The following FERMT1 variants were observed in gnomAD, a reference collection of about 807,000 sequenced individuals.
FERMT1 encodes the protein FERM domain containing kindlin 1, also known as fermitin family homolog 1.
A neutral mutation model predicts 85.3 loss-of-function variants in FERMT1; 60 were observed. That is an observed-to-expected ratio of 0.70 (90% CI 0.57 to 0.87). The LOEUF (loss-of-function observed/expected upper bound fraction) is 0.87, where lower values mean the gene tolerates loss of function less well. Ranked by LOEUF, FERMT1 falls within the 40% of genes least tolerant of loss-of-function variation. The pLI, the probability that FERMT1 is intolerant of heterozygous loss-of-function variation, is 0.00. For missense variants in FERMT1, 701 were observed against 818.9 expected (o/e 0.86, Z 1.76); for synonymous variants, 275 against 301.1 (o/e 0.91, Z 0.90).
chr20:6,119,363 G>T, intron 2 of FERMT1, 41 bp downstream of exon 2: 2 of 1,603,244 alleles, frequency 1.2e-6, no homozygotes, highest in South Asian at 2.2e-5. Flanking sequence ...CACCAGACAG[G>T]GTTTCTAATA....
In FERMT1 at chr20:6,112,483, A is replaced by G; in HGVS notation, c.526T>C (p.Ser176Pro). Residue 176 changes from serine (S) to proline (P), a missense_variant, in exon 4 of 15, where the codon TCA (serine) becomes CCA (proline). Coordinates refer to ENST00000217289, the MANE Select transcript of FERMT1 (RefSeq NM_017671.5). ...NLESSPTASG[S>P]SVSPGLYSKT... ...CACCTGTAACAAGTCTTACCTGATG[A>G]ACCTGAAGCTGTTGGAGAACTCTCC... 6.2e-7 allele frequency: 1 copy of G among 1,613,808 alleles called. No homozygotes were observed. The highest frequency in any genetic ancestry group is 8.5e-7 in the Non-Finnish European group (1 of 1,179,774).
chr20:6,108,889 C>G (rs955581709), intron 5 of FERMT1, among the ~76,000 whole-genome samples: 1 of 151,792 alleles, frequency 6.6e-6, no homozygotes, highest in South Asian at 2.1e-4. Context: ...TGCACCACTT[C>G]TCCTTTTACC....
chr20:6,119,949 G>T lies in FERMT1; in HGVS notation c.-18-377C>A, dbSNP rs1983221984. Among the ~76,000 whole-genome samples the T allele has an allele frequency of 2.0e-5, 3 of 152,002 alleles. No homozygotes were observed. In the South Asian group the frequency reaches 6.2e-4, roughly 32 times the overall value. The stretch of plus-strand genomic sequence containing the variant: ...GCAATCTTCCATATTATCTTTTAAA[G>T]AAATCAATTTTATTAAGGTATAATT... On this transcript the variant is annotated intron_variant, in intron 1 of 14. Transcript: ENST00000217289.
intron 7 of FERMT1, 58 bp downstream of exon 7, chr20:6,097,466 C>A: frequency 8.2e-7 from 1 of 1,225,322 alleles, no homozygotes; most frequent in East Asian, 2.3e-5. Flanking sequence ...TATGAAACTT[C>A]AAGCAGAACA....
intron 1 of FERMT1, among the ~76,000 whole-genome samples, chr20:6,121,125 T>G (rs1052217661): frequency 5.9e-5 from 9 of 152,122 alleles, no homozygotes; most frequent in African/African-American, 2.2e-4. Flanking sequence ...GTTTTTGTTT[T>G]GTTTTTGTTT....
chr20:6,100,288 A>C (rs189573071), intron 6 of FERMT1, among the ~76,000 whole-genome samples: 1 of 152,370 alleles, frequency 6.6e-6, no homozygotes, highest in East Asian at 1.9e-4. Context: ...TACATGCTAC[A>C]ATAGGAATGA....
chr20:6,080,616 T>C (rs981408073), intron 13 of FERMT1, among the ~76,000 whole-genome samples: 10 of 151,984 alleles, frequency 6.6e-5, no homozygotes, highest in Non-Finnish European at 1.3e-4. Context: ...GCGGAAGAAG[T>C]GGTCGGATTC....
chr20:6,076,962 A>G lies in FERMT1; in HGVS notation c.*211T>C, dbSNP rs1178732616. ...CCTGCCTACCCATTTTATAGAAAAA[A>G]CAAGAGAGGCTCCTTCCGTGGCTGG... On this transcript the variant is annotated 3_prime_UTR_variant, in exon 15 of 15. Coordinates refer to ENST00000217289, the MANE Select transcript of FERMT1 (RefSeq NM_017671.5). 1.7e-6 allele frequency: 1 copy of G among 592,788 alleles called. No homozygotes were observed. The allele number at this position is 592,788 out of a possible 1,614,324, so 36.7% of individuals were successfully genotyped here.
intron 9 of FERMT1, among the ~76,000 whole-genome samples, chr20:6,093,807 G>A (rs1236828164): frequency 6.6e-6 from 1 of 152,124 alleles, no homozygotes; most frequent in African/African-American, 2.4e-5. Context: ...AATACAAAAT[G>A]TAGCCAGGCG....
chr20:6,096,144 A>G (rs1417484190), intron 8 of FERMT1, among the ~76,000 whole-genome samples: 1 of 152,240 alleles, frequency 6.6e-6, no homozygotes, highest in Non-Finnish European at 1.5e-5. Context: ...AACTTTTTGC[A>G]ATGTTCCAGA....
At chr20:6,101,253 A>G (rs1399316269) in intron 6 of FERMT1, among the ~76,000 whole-genome samples, 1 of 152,228 alleles carries the variant, frequency 6.6e-6, no homozygotes, top group Non-Finnish European at 1.5e-5. Flanking sequence ...AAGCACATCC[A>G]GTGTTACTGT....
In FERMT1 at chr20:6,087,893, A is replaced by G. The variant is rs1210125220; in HGVS notation, c.1265-10T>C. On this transcript the variant is annotated splice_polypyrimidine_tract_variant and intron_variant, in intron 10 of 14. Transcript: ENST00000217289. ...GGCACAACTTCGCAGCCTGAAGGAC[A>G]AAGATCAGAGACAAAACTGAGTTCT... The G allele has an allele frequency of 3.4e-5, 52 of 1,527,034 alleles. No homozygotes were observed. The highest frequency in any genetic ancestry group is 4.5e-5 in the Non-Finnish European group (50 of 1,101,564). 94.6% of individuals were successfully genotyped at this position (1,527,034 alleles called of 1,614,324 possible).
intron 11 of FERMT1, among the ~76,000 whole-genome samples, chr20:6,085,667 T>C (rs190844097): frequency 1.3e-5 from 2 of 152,188 alleles, no homozygotes; most frequent in East Asian, 3.9e-4. Context: ...CTGGCCAACA[T>C]GGTGAAACCC....
In FERMT1 at chr20:6,115,906, A is replaced by G; in HGVS notation, c.290T>C (p.Leu97Pro). Residue 97 changes from leucine (L) to proline (P), a missense_variant, in exon 3 of 15, where the codon CTG (leucine) becomes CCG (proline). Physicochemically the swap from Leu to Pro is moderately conservative, Grantham distance 98. Coordinates refer to ENST00000217289, the MANE Select transcript of FERMT1 (RefSeq NM_017671.5). ...KLLFTPQHKM[L>P]RLRLPNLKMV... The stretch of plus-strand genomic sequence containing the variant: ...CTTCAAATTCGGCAGACGAAGGCGC[A>G]GCATTTTATGCTGAGGGGTGAAGAG... The G allele has an allele frequency of 6.2e-7, 1 of 1,614,204 alleles. No homozygotes were observed. Among genetic ancestry groups the G allele is most frequent in the East Asian group, 2.2e-5 (1 of 44,886 alleles).
intron 3 of FERMT1, among the ~76,000 whole-genome samples, chr20:6,114,054 T>G (rs1297093803): frequency 6.6e-6 from 1 of 152,234 alleles, no homozygotes; most frequent in Non-Finnish European, 1.5e-5. Context: ...TGAAGGTAAG[T>G]GCACTGATTC....
At chr20:6,119,091 G>A (rs1038222666) in intron 2 of FERMT1, among the ~76,000 whole-genome samples, 1 of 152,088 alleles carries the variant, frequency 6.6e-6, no homozygotes, top group Non-Finnish European at 1.5e-5. Context: ...GGGATTACAT[G>A]CACCCACCGC....
intron 5 of FERMT1, 143 bp from the exon 6 acceptor site, chr20:6,107,777 T>G (rs1982839725): frequency 3.6e-6 from 2 of 562,102 alleles, no homozygotes; most frequent in Non-Finnish European, 6.6e-6. Context: ...ATCACTAATT[T>G]GAAAATCTGA....
chr20:6,105,748 A>C (rs1982778966), intron 6 of FERMT1, among the ~76,000 whole-genome samples: 1 of 152,220 alleles, frequency 6.6e-6, no homozygotes, highest in African/African-American at 2.4e-5. Flanking sequence ...TACCCAGCTT[A>C]GTTCTTGGCC....
Position 6,074,963 on chromosome 20 carries a change from T to G in FERMT1, c.*2210A>C, listed in dbSNP as rs1329719926. 1 of 152,188 alleles carries G rather than the reference T, an allele frequency of 6.6e-6. No individual in the cohort carries two copies. The highest frequency in any genetic ancestry group is 2.4e-5 in the African/African-American group (1 of 41,398). 9.4% of individuals were successfully genotyped at this position (152,188 alleles called of 1,614,324 possible). ...TGAAAGGTGCCCATTAATTTAAAATTTCATCATAGGAATTTGGGTGACCTT... is the reference window on the plus strand; with the variant it reads ...TGAAAGGTGCCCATTAATTTAAAATGTCATCATAGGAATTTGGGTGACCTT... On this transcript the variant is annotated 3_prime_UTR_variant, in exon 15 of 15. Coordinates refer to ENST00000217289, the MANE Select transcript of FERMT1 (RefSeq NM_017671.5).
Sources: gnomAD v4.1 joint callset for allele counts (sites outside exome capture counted in the v4.1 genomes callset) on GRCh38, gnomAD v4.1.1 for gene constraint, MANE v1.5 for transcripts, NCBI Gene and HGNC (gene_info 2026-07-23, HGNC 2026-07-21) for gene names.